Variants in ZC3H12B observed in about 807,000 individuals in gnomAD.
The protein encoded by ZC3H12B is zinc finger CCCH-type containing 12B, also known as probable ribonuclease ZC3H12B.
In ZC3H12B, 7 loss-of-function variants were observed where a neutral mutation model predicts 43.9. The observed-to-expected ratio is 0.16, with a 90% CI of 0.09 to 0.30. The LOEUF is 0.30. Among genes scored for constraint, ZC3H12B ranks in the 10% least tolerant of loss-of-function variants. The pLI is 1.00. For missense variants in ZC3H12B, 475 were observed against 670.2 expected (o/e 0.71, Z 3.22); for synonymous variants, 222 against 241.7 (o/e 0.92, Z 0.76).
chrX:65,476,143 A>T (rs1436540304), intron 3 of ZC3H12B, among the ~76,000 whole-genome samples: 2 of 111,587 alleles, frequency 1.8e-5, no homozygotes, highest in African/African-American at 6.5e-5. Context: ...CTAGATGTTC[A>T]TTTTTCTCCC....
chrX:65,165,328 A>G, the ZC3H12B span, among the ~76,000 whole-genome samples: 5 of 112,189 alleles, frequency 4.5e-5, no homozygotes, highest in African/African-American at 1.6e-4. Flanking sequence ...TTTGATACAT[A>G]GGTATACATG....
the ZC3H12B span, among the ~76,000 whole-genome samples, chrX:65,311,189 T>C: frequency 9.0e-6 from 1 of 111,627 alleles, no homozygotes; most frequent in African/African-American, 3.3e-5. Flanking sequence ...CAAAAGAAAC[T>C]ACCATTAGAG....
chrX:65,244,982 T>A, the ZC3H12B span, among the ~76,000 whole-genome samples: 2 of 110,951 alleles, frequency 1.8e-5, no homozygotes, highest in Non-Finnish European at 3.8e-5. Flanking sequence ...TTCCTATTGG[T>A]TACAGTTGCC....
chrX:65,165,989 T>G, the ZC3H12B span, among the ~76,000 whole-genome samples: 1 of 112,269 alleles, frequency 8.9e-6, no homozygotes, highest in Non-Finnish European at 1.9e-5. Context: ...ATCGCTATTC[T>G]AACTGGCATG....
chrX:65,359,936 T>A, the ZC3H12B span, among the ~76,000 whole-genome samples: 1 of 111,898 alleles, frequency 8.9e-6, no homozygotes. Context: ...GTTTTCTAAA[T>A]TTAAGAAATT....
chrX:65,162,662 A>C, the ZC3H12B span, among the ~76,000 whole-genome samples: 1 of 111,395 alleles, frequency 9.0e-6, no homozygotes, highest in Admixed American at 9.6e-5. Flanking sequence ...CTAGTTATAC[A>C]TTCGTCTAAA....
At chrX:65,375,993 G>C (rs1325753546) in intron 2 of ZC3H12B, among the ~76,000 whole-genome samples, 1 of 112,218 alleles carries the variant, frequency 8.9e-6, no homozygotes, top group Non-Finnish European at 1.9e-5. Context: ...GTGGGCTCTT[G>C]GGGTCTCTGA....
intron 3 of ZC3H12B, among the ~76,000 whole-genome samples, chrX:65,426,795 A>G (rs1406163072): frequency 8.9e-6 from 1 of 111,923 alleles, no homozygotes; most frequent in East Asian, 2.8e-4. Context: ...GAATTTCTTA[A>G]TCTTGATTTT....
chrX:65,366,160 T>C (rs188214462), upstream of ZC3H12B, among the ~76,000 whole-genome samples: 39 of 108,344 alleles, frequency 3.6e-4, no homozygotes, highest in African/African-American at 1.2e-3. Context: ...TTGGTAAATA[T>C]AGAATGAAAG....
chrX:65,154,039 A>T, the ZC3H12B span, among the ~76,000 whole-genome samples: 1 of 110,609 alleles, frequency 9.0e-6, no homozygotes, highest in East Asian at 2.8e-4. Flanking sequence ...ACGAGAACAC[A>T]TGGACACAGG....
At chrX:65,435,026 TC>T in intron 3 of ZC3H12B, among the ~76,000 whole-genome samples, 1 of 112,176 alleles carries the variant, frequency 8.9e-6, no homozygotes, top group Non-Finnish European at 1.9e-5. Flanking sequence ...CTACTATTTC[TC>T]AATCAAAGCC....
intron 3 of ZC3H12B, among the ~76,000 whole-genome samples, chrX:65,450,910 T>C (rs1232228464): frequency 6.3e-5 from 6 of 95,213 alleles, no homozygotes; most frequent in African/African-American, 1.2e-4. Flanking sequence ...TATACATATA[T>C]ACACACACAC....
At chrX:65,094,482 G>T in the ZC3H12B span, among the ~76,000 whole-genome samples, 2 of 111,155 alleles carry the variant, frequency 1.8e-5, no homozygotes, top group African/African-American at 3.3e-5. Context: ...GGACCCCCAG[G>T]AGTTCATGAG....
chrX:65,371,435 T>A (rs2066243572), intron 2 of ZC3H12B, among the ~76,000 whole-genome samples: 2 of 111,767 alleles, frequency 1.8e-5, no homozygotes, highest in South Asian at 7.6e-4. Context: ...AGCCCAGTTT[T>A]TTTTTCCACT....
intron 3 of ZC3H12B, among the ~76,000 whole-genome samples, chrX:65,461,990 T>A (rs1374610548): frequency 9.2e-6 from 1 of 108,607 alleles, no homozygotes; most frequent in Non-Finnish European, 1.9e-5. Context: ...AAATAAAAAA[T>A]AAATAAATAA....
chrX:65,093,107 G>T, the ZC3H12B span, among the ~76,000 whole-genome samples: 1 of 112,113 alleles, frequency 8.9e-6, no homozygotes, highest in African/African-American at 3.2e-5. Context: ...TTGGGTCACT[G>T]CTCACTAGCT....
At chrX:65,093,788 A>G in the ZC3H12B span, among the ~76,000 whole-genome samples, 1 of 111,893 alleles carries the variant, frequency 8.9e-6, no homozygotes, top group East Asian at 2.8e-4. Flanking sequence ...TTTGTCTCAG[A>G]TGAGACTTTG....
At chrX:65,463,022 A>G (rs1387466130) in intron 3 of ZC3H12B, among the ~76,000 whole-genome samples, 2 of 112,342 alleles carry the variant, frequency 1.8e-5, no homozygotes, top group Admixed American at 1.9e-4. Flanking sequence ...AGGAACAGAA[A>G]ACCAAAGAGT....
At chrX:65,371,346 C>A (rs1382270732) in intron 2 of ZC3H12B, among the ~76,000 whole-genome samples, 2 of 111,185 alleles carry the variant, frequency 1.8e-5, no homozygotes, top group African/African-American at 6.5e-5. Context: ...AGTAATTGAG[C>A]CTCAAGGATG....
Sources: gnomAD v4.1 joint callset for allele counts (sites outside exome capture counted in the v4.1 genomes callset) on GRCh38, gnomAD v4.1.1 for gene constraint, MANE v1.5 for transcripts, NCBI Gene and HGNC (gene_info 2026-07-23, HGNC 2026-07-21) for gene names.